SHOC1: variants seen among roughly 807,000 people sequenced by gnomAD.
The protein encoded by SHOC1 is shortage in chiasmata 1, also known as protein shortage in chiasmata 1 ortholog.
Under a neutral mutation model 179.2 loss-of-function variants are expected in SHOC1, and 136 were observed. The ratio of observed to expected loss-of-function variants is 0.76; its 90% confidence interval spans 0.66 to 0.87. SHOC1 has a LOEUF of 0.87. SHOC1 is among the 40% of genes least tolerant of loss of function. The pLI is 0.00. For synonymous variants in SHOC1, 489 were observed against 586.6 expected (o/e 0.83, Z 2.41); for missense variants, 1,538 against 1,700.8 (o/e 0.90, Z 1.68).
chr9:111,738,639 A>G lies in SHOC1; in HGVS notation c.1175-117T>C. On this transcript the variant is annotated intron_variant, in intron 11 of 27. Coordinates refer to ENST00000682961, the MANE Select transcript of SHOC1 (RefSeq NM_001378211.1). ...ATGAAATGCATTTTTATGCATTAGA[A>G]AATAAGTGAAACTTGAAGTTATAGC... is the stretch of plus-strand genomic sequence containing the variant. 4 of 945,318 alleles carry G rather than the reference A, an allele frequency of 4.2e-6. 1 individual carries two copies. In the South Asian group the frequency reaches 1.1e-4, roughly 27 times the overall value. The allele number at this position is 945,318 out of a possible 1,614,324, so 58.6% of individuals were successfully genotyped here.
chr9:111,686,438 T>G lies in SHOC1; in HGVS notation c.*332A>C. 6.3e-6 allele frequency: 1 copy of G among 159,726 alleles called. No individual in the cohort carries two copies. 9.9% of individuals were successfully genotyped at this position (159,726 alleles called of 1,614,324 possible). A position where few individuals can be genotyped will look rare whatever the true frequency, so the allele number is the denominator to read the frequency against. ...TTGTCCTAGGTTTTAACTTTCTTGA[T>G]GTGGGAGGGTTAACTGTGATGATCT... is the stretch of plus-strand genomic sequence containing the variant. On this transcript the variant is annotated 3_prime_UTR_variant, in exon 28 of 28. Coordinates refer to ENST00000682961, the MANE Select transcript of SHOC1 (RefSeq NM_001378211.1).
intron 10 of SHOC1, among the ~76,000 whole-genome samples, chr9:111,744,320 C>T (rs1302370345): frequency 1.3e-5 from 2 of 152,150 alleles, no homozygotes; most frequent in Non-Finnish European, 2.9e-5. Context: ...TATGTAGTTT[C>T]CATACTTGTC....
At chr9:111,694,749 A>T (rs1489555825) in intron 24 of SHOC1, among the ~76,000 whole-genome samples, 1 of 152,102 alleles carries the variant, frequency 6.6e-6, no homozygotes, top group Admixed American at 6.6e-5. Flanking sequence ...TAAAATAAGA[A>T]TTTTAAAAAT....
At position 111,686,869 on chromosome 9, in the gene SHOC1, AC is replaced by A. The variant is rs1443120098; in HGVS notation, c.4427del (p.Gly1476ValfsTer15). 1 of 1,604,904 alleles carries A rather than the reference AC, an allele frequency of 6.2e-7. No individual in the cohort carries two copies. ...FNSGDKESLT[G>X]FMCSQLPQFK... ...ATTGTGGTAGTTGTGAGCACATAAA[AC>A]CTGTTAAAAGGAGAAAAAGGAAAAC... On this transcript the variant is annotated frameshift_variant and splice_region_variant, in exon 28 of 28. Transcript: ENST00000682961. LOFTEE classifies it high-confidence loss of function.
intron 5 of SHOC1, among the ~76,000 whole-genome samples, chr9:111,762,410 CAG>C (rs1835175594): frequency 6.6e-6 from 1 of 151,236 alleles, no homozygotes; most frequent in Non-Finnish European, 1.5e-5. Flanking sequence ...GCCTGAGAAA[CAG>C]AGTCTCAATT....
intron 8 of SHOC1, among the ~76,000 whole-genome samples, chr9:111,751,769 A>T (rs1369492199): frequency 6.6e-6 from 1 of 152,226 alleles, no homozygotes; most frequent in Non-Finnish European, 1.5e-5. Context: ...CACATATATT[A>T]GTTCTCCCCT....
chr9:111,758,174 T>C lies in SHOC1; in HGVS notation c.618A>G (p.Glu206=). ...CTTCTTTCACAAAAGCTTCCAAAGT[T>C]TCTTGAAGAGAGAAACATTCCCTTA... ...NFSRECFSLQ[E]TLEAFVKEDF... Residue 206 remains glutamate, a synonymous_variant, in exon 7 of 28, where the codon GAA becomes GAG. Transcript: ENST00000682961. The C allele has an allele frequency of 6.3e-7, 1 of 1,576,620 alleles. No homozygotes were observed. The highest frequency in any genetic ancestry group is 8.6e-7 in the Non-Finnish European group (1 of 1,162,094).
At chr9:111,725,375 T>C (rs1286120678) in intron 13 of SHOC1, among the ~76,000 whole-genome samples, 1 of 152,170 alleles carries the variant, frequency 6.6e-6, no homozygotes, top group Non-Finnish European at 1.5e-5. Flanking sequence ...GTATGATCTA[T>C]TAAAGGCTAA....
intron 5 of SHOC1, chr9:111,759,169 C>A: frequency 6.2e-7 from 1 of 1,608,234 alleles, no homozygotes; most frequent in East Asian, 2.2e-5. Context: ...TCAAAATAGC[C>A]AGGCGTAGCC....
chr9:111,727,652 T>G lies in SHOC1; in HGVS notation c.1815A>C (p.Thr605=). 6.3e-7 allele frequency: 1 copy of G among 1,584,628 alleles called. No homozygotes were observed. The highest frequency in any genetic ancestry group is 8.6e-7 in the Non-Finnish European group (1 of 1,169,084). ...ACTTACCATGTTTTTCATCACTGTT[T>G]GTGACTTCAGTCTTTGAGGTGCAAG... ...YKTCTSKTEV[T]NSDEKHDKEA... The change falls in exon 13 of 28, where the codon ACA becomes ACC. Residue 605 remains threonine (T), a synonymous_variant. Transcript: ENST00000682961.
At chr9:111,746,466 G>A in intron 9 of SHOC1, 124 bp from the exon 10 acceptor site, 5 of 554,962 alleles carry the variant, frequency 9.0e-6, no homozygotes, top group East Asian at 3.1e-5. Context: ...CTTGAGTCCA[G>A]GAGTTTAAGA....
intron 14 of SHOC1, 130 bp from the exon 15 acceptor site, chr9:111,722,715 A>AAT: frequency 1.6e-6 from 1 of 639,880 alleles, no homozygotes; most frequent in East Asian, 3.3e-5. Context: ...AAAAATAATG[A>AAT]GATTGTATAA....
At position 111,785,925 on chromosome 9, in the gene SHOC1, C is replaced by T. The variant is rs1440084049; in HGVS notation, c.156G>A (p.Arg52=). The change falls in exon 3 of 28, where the codon AGG becomes AGA. Residue 52 remains arginine (R), a synonymous_variant. Transcript: ENST00000682961. ...AAACAAACATACCTCTCGTCCATGG[C>T]CTCCTAAATTTATTATCAGTAACTG... The part of the protein sequence containing the change: ...HVAVTDNKFR[R]PWTRVSAVSV... 3 of 1,478,188 alleles carry T rather than the reference C, an allele frequency of 2.0e-6. No homozygotes were observed. The highest frequency in any genetic ancestry group is 2.7e-6 in the Non-Finnish European group (3 of 1,117,132). The allele number at this position is 1,478,188 out of a possible 1,614,324, so 91.6% of individuals were successfully genotyped here.
chr9:111,750,688 T>G (rs940059737), intron 8 of SHOC1, among the ~76,000 whole-genome samples: 2 of 151,966 alleles, frequency 1.3e-5, no homozygotes, highest in African/African-American at 2.4e-5. Context: ...CTTTTGGGGG[T>G]TGTTTGCTTT....
chr9:111,701,711 GTTAT>G (rs1831977445), intron 23 of SHOC1, among the ~76,000 whole-genome samples: 2 of 152,070 alleles, frequency 1.3e-5, no homozygotes, highest in Admixed American at 6.6e-5. Flanking sequence ...CTTGGTAGAA[GTTAT>G]TTGTTAATAG....
rs773728766 is a variant in SHOC1 at position 111,775,897 on chromosome 9, T to G, written c.336A>C (p.Gln112His). 3.1e-6 allele frequency: 5 copies of G among 1,613,738 alleles called. No individual in the cohort carries two copies. Among genetic ancestry groups the G allele is most frequent in the Non-Finnish European group, 4.2e-6 (5 of 1,179,768 alleles). ...ATAAACTGACCTCCTCTACTTCAAT[T>G]TGGGAGTCTGGATTTGAACTTGGAA... Reference protein sequence around the residue: ...EVVPSSNPDSQIEVEEVSLYT... With the variant: ...EVVPSSNPDSHIEVEEVSLYT... Residue 112 changes from glutamine to histidine, a missense_variant, in exon 5 of 28, where the codon CAA (glutamine) becomes CAC (histidine). Gln to His is a conservative substitution (Grantham distance 24). Coordinates refer to ENST00000682961, the MANE Select transcript of SHOC1 (RefSeq NM_001378211.1).
At chr9:111,756,295 C>A in intron 8 of SHOC1, 30 bp downstream of exon 8, 1 of 1,530,748 alleles carries the variant, frequency 6.5e-7, no homozygotes, top group South Asian at 1.3e-5. Context: ...GTGGTTTTTA[C>A]AAGTAATACA....
intron 2 of SHOC1, among the ~76,000 whole-genome samples, chr9:111,788,991 C>A (rs569008294): frequency 6.6e-6 from 1 of 152,284 alleles, no homozygotes; most frequent in African/African-American, 2.4e-5. Flanking sequence ...TCTGAAAACG[C>A]CCTGTTATTC....
At chr9:111,766,507 G>A (rs1835366036) in intron 5 of SHOC1, among the ~76,000 whole-genome samples, 2 of 152,126 alleles carry the variant, frequency 1.3e-5, no homozygotes, top group Admixed American at 1.3e-4. Flanking sequence ...CACAAATGGT[G>A]TACAAGAGTT....
Sources: gnomAD v4.1 joint callset for allele counts (sites outside exome capture counted in the v4.1 genomes callset) on GRCh38, gnomAD v4.1.1 for gene constraint, MANE v1.5 for transcripts, NCBI Gene and HGNC (gene_info 2026-07-23, HGNC 2026-07-21) for gene names.